Variants in LPAR1 observed in about 807,000 individuals in gnomAD.
LPAR1 encodes the protein lysophosphatidic acid receptor 1.
A neutral mutation model predicts 23.8 loss-of-function variants in LPAR1; 5 were observed. The ratio of observed to expected loss-of-function variants is 0.21; its 90% CI spans 0.11 to 0.44. The LOEUF (loss-of-function observed/expected upper bound fraction) is 0.44, where lower values mean the gene tolerates loss of function less well. LPAR1 is among the 20% of genes least tolerant of loss of function. The pLI, the probability that LPAR1 is intolerant of heterozygous loss-of-function variation, is 0.99. For synonymous variants in LPAR1, 160 were observed against 164.7 expected, an observed-to-expected ratio of 0.97 and a Z score of 0.22; for missense variants, 311 against 482.8, an observed-to-expected ratio of 0.64 and a Z score of 3.33.
intron 2 of LPAR1, among the ~76,000 whole-genome samples, chr9:110,983,978 T>G (rs1229278088): frequency 6.6e-6 from 1 of 152,056 alleles, no homozygotes; most frequent in Non-Finnish European, 1.5e-5. Flanking sequence ...TTTTTAATTT[T>G]TGTGGGTACA....
chr9:110,927,466 T>C (rs997768395), intron 5 of LPAR1, among the ~76,000 whole-genome samples: 3 of 152,056 alleles, frequency 2.0e-5, no homozygotes, highest in African/African-American at 7.2e-5. Context: ...ACTTAATGAG[T>C]TCTGAAAACT....
intron 4 of LPAR1, among the ~76,000 whole-genome samples, chr9:110,966,188 C>T (rs980981698): frequency 6.6e-6 from 1 of 151,780 alleles, no homozygotes; most frequent in African/African-American, 2.4e-5. Context: ...GGGCTTAAAA[C>T]CTAGATGATG....
intron 5 of LPAR1, among the ~76,000 whole-genome samples, chr9:110,921,739 T>C (rs1190556366): frequency 6.6e-6 from 1 of 152,140 alleles, no homozygotes; most frequent in Non-Finnish European, 1.5e-5. Context: ...AGCAGAGTGT[T>C]CCTAGTGAGC....
Position 110,943,954 on chromosome 9 carries a change from T to C in LPAR1, c.46-1786A>G, listed in dbSNP as rs565326169. On this transcript the variant is annotated intron_variant, in intron 4 of 5. Coordinates refer to ENST00000683809, the MANE Select transcript of LPAR1 (RefSeq NM_001351411.2). ...CTTATGAGTGCACGTTAGATAAAAGTCTAAACTTTTCAATCATCTTATCAG... is the reference window on the plus strand; with the variant it reads ...CTTATGAGTGCACGTTAGATAAAAGCCTAAACTTTTCAATCATCTTATCAG... Among the ~76,000 whole-genome samples the C allele has an allele frequency of 2.5e-4, 38 of 151,826 alleles. No homozygotes were observed. The South Asian group carries it at 7.9e-3, about 32-fold the overall frequency.
In LPAR1 at chr9:110,951,476, C is replaced by T. The variant is rs73657210; in HGVS notation, c.46-9308G>A. The stretch of plus-strand genomic sequence containing the variant: ...AACAATCCAACAGAAAAAGGGGCAC[C>T]GATGTGGATAGGCAATTCACAGAAG... On this transcript the variant is annotated intron_variant, in intron 4 of 5. Transcript: ENST00000683809. Among the ~76,000 whole-genome samples, 1,293 of 152,132 alleles carry T rather than the reference C, an allele frequency of 8.5e-3. 22 individuals carry two copies. The highest frequency in any genetic ancestry group is 0.029 in the African/African-American group (1,218 of 41,480).
At chr9:110,928,209 A>G (rs1385654772) in intron 5 of LPAR1, among the ~76,000 whole-genome samples, 2 of 152,192 alleles carry the variant, frequency 1.3e-5, no homozygotes, top group Non-Finnish European at 2.9e-5. Context: ...AGCAATACAT[A>G]GAAATGAATA....
intron 4 of LPAR1, among the ~76,000 whole-genome samples, chr9:110,971,705 T>A (rs898424779): frequency 6.6e-6 from 1 of 150,414 alleles, no homozygotes; most frequent in African/African-American, 2.4e-5. Context: ...TCCATTCTGA[T>A]ATATTTCATT....
At chr9:110,885,287 T>C (rs772407816) in intron 5 of LPAR1, among the ~76,000 whole-genome samples, 8 of 152,176 alleles carry the variant, frequency 5.3e-5, no homozygotes, top group Non-Finnish European at 1.0e-4. Flanking sequence ...GGAATGTCTA[T>C]TCGTTATGCA....
intron 4 of LPAR1, among the ~76,000 whole-genome samples, chr9:110,971,158 A>G (rs192474320): frequency 6.6e-6 from 1 of 152,246 alleles, no homozygotes; most frequent in East Asian, 1.9e-4. Context: ...AATAAAAATA[A>G]AGTTGGCCAA....
intron 5 of LPAR1, among the ~76,000 whole-genome samples, chr9:110,879,581 C>T (rs1488446392): frequency 6.6e-6 from 1 of 152,204 alleles, no homozygotes; most frequent in Non-Finnish European, 1.5e-5. Context: ...CCTAGCCACA[C>T]ATTACAATAG....
intron 5 of LPAR1, among the ~76,000 whole-genome samples, chr9:110,878,088 C>A (rs1315390871): frequency 1.3e-5 from 2 of 152,140 alleles, no homozygotes; most frequent in African/African-American, 4.8e-5. Context: ...CATTGAGGAA[C>A]CTGGATTCCT....
intron 4 of LPAR1, among the ~76,000 whole-genome samples, chr9:110,948,913 G>GAA (rs769429145): frequency 9.8e-6 from 1 of 102,108 alleles, no homozygotes; most frequent in Admixed American, 9.9e-5. Context: ...TGTAGATCAA[G>GAA]AAAAAAAAAA....
chr9:110,898,572 G>T (rs2087334525), intron 5 of LPAR1, among the ~76,000 whole-genome samples: 1 of 152,106 alleles, frequency 6.6e-6, no homozygotes, highest in South Asian at 2.1e-4. Flanking sequence ...GCCCTCAAGG[G>T]TCATCGGGTT....
intron 2 of LPAR1, among the ~76,000 whole-genome samples, chr9:111,016,104 T>C (rs2097439070): frequency 6.6e-6 from 1 of 152,184 alleles, no homozygotes; most frequent in South Asian, 2.1e-4. Context: ...CCAAATTCTA[T>C]GCCTGGCAAA....
At chr9:110,876,543 A>G (rs2079135951) in intron 5 of LPAR1, among the ~76,000 whole-genome samples, 1 of 152,238 alleles carries the variant, frequency 6.6e-6, no homozygotes, top group Admixed American at 6.5e-5. Flanking sequence ...CAGAAAGTTT[A>G]TATAACTGGC....
chr9:111,010,611 T>C (rs757347939), intron 2 of LPAR1, among the ~76,000 whole-genome samples: 2 of 152,184 alleles, frequency 1.3e-5, no homozygotes, highest in Non-Finnish European at 2.9e-5. Context: ...TACTTAGCTG[T>C]TGCCGCCTTT....
chr9:110,894,868 A>AAG (rs1279992211), intron 5 of LPAR1, among the ~76,000 whole-genome samples: 2 of 151,804 alleles, frequency 1.3e-5, no homozygotes, highest in Non-Finnish European at 2.9e-5. Context: ...GTAAAAAAAA[A>AAG]AAATCAGCCA....
intron 5 of LPAR1, among the ~76,000 whole-genome samples, chr9:110,918,746 A>C (rs1158805231): frequency 1.3e-5 from 2 of 152,266 alleles, no homozygotes; most frequent in African/African-American, 4.8e-5. Flanking sequence ...GTACTAGATG[A>C]TACATTCTTT....
At chr9:110,885,929 G>T (rs2082241672) in intron 5 of LPAR1, among the ~76,000 whole-genome samples, 2 of 152,178 alleles carry the variant, frequency 1.3e-5, no homozygotes, top group Non-Finnish European at 2.9e-5. Flanking sequence ...TGGGCGTGGT[G>T]GCTCATGCCT....
Sources: gnomAD v4.1 joint callset for allele counts (sites outside exome capture counted in the v4.1 genomes callset) on GRCh38, gnomAD v4.1.1 for gene constraint, MANE v1.5 for transcripts, NCBI Gene and HGNC (gene_info 2026-07-23, HGNC 2026-07-21) for gene names.